Variants in GALNT10 observed in about 807,000 individuals in gnomAD.
The protein encoded by GALNT10 is polypeptide N-acetylgalactosaminyltransferase 10, also known as GalNAc transferase 10.
Under a neutral mutation model 75.0 loss-of-function variants are expected in GALNT10, and 41 were observed. The ratio of observed to expected loss-of-function variants is 0.55; its 90% CI spans 0.43 to 0.71. GALNT10 has a LOEUF of 0.71. Ranked by LOEUF, GALNT10 falls within the 30% of genes least tolerant of loss-of-function variation. GALNT10 has a pLI of 0.00. For synonymous variants in GALNT10, 302 were observed against 313.0 expected, an observed-to-expected ratio of 0.96 and a Z score of 0.37; for missense variants, 727 against 818.5, an observed-to-expected ratio of 0.89 and a Z score of 1.36.
At position 154,215,439 on chromosome 5, in the gene GALNT10, G is replaced by A. The variant is rs371978026; in HGVS notation, c.159+24414G>A. On this transcript the variant is annotated intron_variant, in intron 1 of 11. Transcript: ENST00000297107. ...GGAGCTTGCAGTGAGCCGAGATGGCGCCACTGCACTCTCCAGCCTGGGCGA... is the reference window on the plus strand; with the variant it reads ...GGAGCTTGCAGTGAGCCGAGATGGCACCACTGCACTCTCCAGCCTGGGCGA... Among the ~76,000 whole-genome samples the A allele has an allele frequency of 2.7e-4, 41 of 152,074 alleles. No homozygotes were observed. The East Asian group carries it at 4.4e-3, about 16-fold the overall frequency.
chr5:154,248,511 A>G (rs1302351991), intron 1 of GALNT10, among the ~76,000 whole-genome samples: 1 of 152,198 alleles, frequency 6.6e-6, no homozygotes, highest in Non-Finnish European at 1.5e-5. Context: ...CTATTCAGAG[A>G]TTCAACTTCT....
At chr5:154,201,219 A>G (rs944825781) in intron 1 of GALNT10, among the ~76,000 whole-genome samples, 6 of 151,928 alleles carry the variant, frequency 3.9e-5, no homozygotes, top group African/African-American at 1.2e-4. Context: ...ATGATATGCA[A>G]ATTCCCATAG....
intron 1 of GALNT10, among the ~76,000 whole-genome samples, chr5:154,205,910 G>A (rs944029788): frequency 1.1e-4 from 17 of 152,180 alleles, no homozygotes; most frequent in African/African-American, 4.1e-4. Flanking sequence ...CAAGCCTCCA[G>A]AACTGTGACG....
chr5:154,370,660 TG>T (rs1230019690), intron 4 of GALNT10, among the ~76,000 whole-genome samples: 1 of 152,152 alleles, frequency 6.6e-6, no homozygotes, highest in Admixed American at 6.5e-5. Flanking sequence ...AAGACGAGGC[TG>T]AAGAGGGAAC....
Position 154,412,717 on chromosome 5 carries a change from CTTCA to C in GALNT10, c.1387-169_1387-166del. On this transcript the variant is annotated intron_variant, in intron 9 of 11. Coordinates refer to ENST00000297107, the MANE Select transcript of GALNT10 (RefSeq NM_198321.4). This position sits in a 1 kb window ranked among gnomAD's most constrained non-coding sequence, Gnocchi z 4.2. ...ATTACATTCTGTGGACTGAGTCTTC[CTTCA>C]TTGAGAGGCTCAAGGTACTTCCAAC... The C allele has an allele frequency of 1.6e-6, 1 of 644,018 alleles. No homozygotes were observed. The highest frequency in any genetic ancestry group is 2.8e-6 in the Non-Finnish European group (1 of 355,742). 39.9% of individuals were successfully genotyped at this position (644,018 alleles called of 1,614,324 possible).
In GALNT10 at chr5:154,352,700, T is replaced by G. The variant is rs1428620501; in HGVS notation, c.568+22962T>G. On this transcript the variant is annotated intron_variant, in intron 4 of 11. Transcript: ENST00000297107. The surrounding 1 kb of genome is among the most constrained non-coding windows in gnomAD (Gnocchi z 4.4). ...ACCTGTCCCTGTCCTGTGCCATTTT[T>G]GAAAATTTTGTCAGCTGCATGTTTG... is the stretch of plus-strand genomic sequence containing the variant. 1.3e-5 allele frequency among the ~76,000 whole-genome samples: 2 copies of G among 152,198 alleles called. No individual in the cohort carries two copies.
intron 3 of GALNT10, among the ~76,000 whole-genome samples, chr5:154,315,213 G>C (rs1754579477): frequency 6.6e-6 from 1 of 152,238 alleles, no homozygotes; most frequent in African/African-American, 2.4e-5. Context: ...CAGATTTAGA[G>C]ATAGGACAGA....
intron 4 of GALNT10, among the ~76,000 whole-genome samples, chr5:154,373,976 T>G (rs925345283): frequency 6.6e-6 from 1 of 152,162 alleles, no homozygotes; most frequent in Non-Finnish European, 1.5e-5. Context: ...GTACAGGAGA[T>G]TATCTCATTC....
At chr5:154,379,068 C>G (rs1397016689) in intron 5 of GALNT10, among the ~76,000 whole-genome samples, 1 of 152,152 alleles carries the variant, frequency 6.6e-6, no homozygotes, top group African/African-American at 2.4e-5. Flanking sequence ...AACACACCCC[C>G]AGGTGCATCT....
intron 4 of GALNT10, among the ~76,000 whole-genome samples, chr5:154,346,593 G>A (rs931516077): frequency 6.6e-6 from 1 of 152,186 alleles, no homozygotes; most frequent in Non-Finnish European, 1.5e-5. Flanking sequence ...ATACCTCAAT[G>A]TGCTGTGTCT....
chr5:154,331,327 A>G (rs545346658), intron 4 of GALNT10, among the ~76,000 whole-genome samples: 2 of 152,264 alleles, frequency 1.3e-5, no homozygotes, highest in South Asian at 2.1e-4. Flanking sequence ...AGCGAGGCCT[A>G]TGAGCCTGCT....
intron 1 of GALNT10, among the ~76,000 whole-genome samples, chr5:154,213,865 G>A (rs934405582): frequency 6.6e-6 from 1 of 152,140 alleles, no homozygotes; most frequent in Non-Finnish European, 1.5e-5. Flanking sequence ...TTACAGGCAC[G>A]AACCATGTGC....
rs1755213867 is a variant in GALNT10 at position 154,352,205 on chromosome 5, A to T, written c.568+22467A>T. 1.3e-5 allele frequency among the ~76,000 whole-genome samples: 2 copies of T among 152,170 alleles called. No individual in the cohort carries two copies. The highest frequency in any genetic ancestry group is 2.4e-5 in the African/African-American group (1 of 41,442). On this transcript the variant is annotated intron_variant, in intron 4 of 11. Coordinates refer to ENST00000297107, the MANE Select transcript of GALNT10 (RefSeq NM_198321.4). This position sits in a 1 kb window ranked among gnomAD's most constrained non-coding sequence, Gnocchi z 4.4. ...CAGCACCCTGACCTGGGCCTCAGGG[A>T]CTGTTCCCAGGCAGGGCTCACAAGG... is the stretch of plus-strand genomic sequence containing the variant.
intron 7 of GALNT10, chr5:154,393,020 C>T (rs1313926114): frequency 2.0e-5 from 1 of 50,228 alleles, no homozygotes; most frequent in Non-Finnish European, 3.8e-5. Context: ...CATATCTAAA[C>T]AAGAAAATAT....
intron 1 of GALNT10, among the ~76,000 whole-genome samples, chr5:154,232,027 G>C (rs930266141): frequency 1.3e-5 from 2 of 152,198 alleles, no homozygotes; most frequent in Non-Finnish European, 2.9e-5. Flanking sequence ...TGCCCTCCGG[G>C]GGGAGAGAGC....
intron 1 of GALNT10, chr5:154,218,089 G>C: frequency 1.0e-6 from 1 of 985,068 alleles, no homozygotes; most frequent in Non-Finnish European, 1.2e-6. Context: ...TATTCCCACC[G>C]CCCAAGAGCA....
chr5:154,243,649 A>C (rs565283174), intron 1 of GALNT10, among the ~76,000 whole-genome samples: 1 of 152,220 alleles, frequency 6.6e-6, no homozygotes, highest in African/African-American at 2.4e-5. Context: ...TGTGGTCATC[A>C]TGAGGATTAA....
intron 8 of GALNT10, among the ~76,000 whole-genome samples, chr5:154,408,927 A>C: frequency 6.6e-6 from 1 of 152,146 alleles, no homozygotes; most frequent in Non-Finnish European, 1.5e-5. Context: ...GGCGGAATGC[A>C]TTCCTGGATC....
intron 1 of GALNT10, among the ~76,000 whole-genome samples, chr5:154,215,257 C>T (rs1052405797): frequency 7.2e-5 from 11 of 151,814 alleles, no homozygotes; most frequent in Non-Finnish European, 1.0e-4. Flanking sequence ...CTGAGGCGGG[C>T]GGATCACGAA....
Sources: gnomAD v4.1 joint callset for allele counts (sites outside exome capture counted in the v4.1 genomes callset) on GRCh38, gnomAD v4.1.1 for gene constraint, Gnocchi (gnomAD v3.1) non-coding constraint, MANE v1.5 for transcripts, NCBI Gene and HGNC (gene_info 2026-07-23, HGNC 2026-07-21) for gene names.